EPB41L2: variants seen among roughly 807,000 people sequenced by gnomAD.
The protein encoded by EPB41L2 is band 4.1-like protein 2.
EPB41L2 carries 43 observed loss-of-function variants against 113.0 expected under a neutral mutation model. That is an observed-to-expected ratio of 0.38 (90% CI 0.30 to 0.49). The LOEUF (loss-of-function observed/expected upper bound fraction) is 0.49. EPB41L2 is among the 20% of genes least tolerant of loss of function. EPB41L2 has a pLI of 0.95. For synonymous variants in EPB41L2, 442 were observed against 436.7 expected, an observed-to-expected ratio of 1.01 and a Z score of -0.15; for missense variants, 1,147 against 1,223.4, an observed-to-expected ratio of 0.94 and a Z score of 0.93.
chr6:130,890,197 G>T (rs748355569), intron 11 of EPB41L2, 97 bp downstream of exon 11: 4 of 1,295,522 alleles, frequency 3.1e-6, no homozygotes, highest in South Asian at 3.7e-5. Context: ...TCCCTGTAGG[G>T]TATTTCTGGT....
At chr6:130,904,861 CTGAGA>C in intron 5 of EPB41L2, among the ~76,000 whole-genome samples, 1 of 150,732 alleles carries the variant, frequency 6.6e-6, no homozygotes, top group Admixed American at 6.6e-5. Context: ...TGTAATAGTT[CTGAGA>C]TAAGATTCAA....
intron 3 of EPB41L2, among the ~76,000 whole-genome samples, chr6:130,948,880 G>A (rs1425573196): frequency 6.6e-6 from 1 of 152,166 alleles, no homozygotes; most frequent in African/African-American, 2.4e-5. Flanking sequence ...CTCAAATTTT[G>A]TAAAGCATAA....
intron 18 of EPB41L2, 45 bp from the exon 19 acceptor site, chr6:130,858,288 CT>C: frequency 6.7e-7 from 1 of 1,498,878 alleles, no homozygotes; most frequent in South Asian, 1.2e-5. Flanking sequence ...GGGGAACAGC[CT>C]CCACCTCACA....
intron 14 of EPB41L2, chr6:130,876,605 T>C: frequency 2.1e-6 from 2 of 961,338 alleles, no homozygotes; most frequent in Non-Finnish European, 2.8e-6. Flanking sequence ...AGAAATCTTA[T>C]GGCTGTGGAT....
intron 14 of EPB41L2, chr6:130,876,740 G>A (rs923716072): frequency 1.5e-5 from 19 of 1,303,868 alleles, no homozygotes; most frequent in Admixed American, 4.6e-5. Context: ...TCTCCTTCAC[G>A]GATAAAATAT....
chr6:130,966,456 T>G (rs535676962), intron 1 of EPB41L2, among the ~76,000 whole-genome samples: 6 of 152,124 alleles, frequency 3.9e-5, no homozygotes, highest in African/African-American at 1.4e-4. Flanking sequence ...ATCTTATAGG[T>G]TGAAAGCAAA....
intron 3 of EPB41L2, among the ~76,000 whole-genome samples, chr6:130,951,312 CTTT>C (rs34082234): frequency 0.015 from 754 of 50,584 alleles, 2 homozygotes; most frequent in African/African-American, 0.059. Flanking sequence ...AGCCTCAGTA[CTTT>C]TTTTTTTTTT....
At chr6:130,982,908 A>G (rs1328045588) in intron 1 of EPB41L2, among the ~76,000 whole-genome samples, 3 of 152,238 alleles carry the variant, frequency 2.0e-5, no homozygotes, top group South Asian at 2.1e-4. Flanking sequence ...GTTAATCAAC[A>G]GTCCTGGAGT....
At chr6:131,020,064 T>C (rs2128737274) in intron 1 of EPB41L2, among the ~76,000 whole-genome samples, 1 of 152,250 alleles carries the variant, frequency 6.6e-6, no homozygotes, top group African/African-American at 2.4e-5. Flanking sequence ...TCTATTTTGC[T>C]GGTATTTTCA....
chr6:130,901,741 A>G (rs1796359807), intron 6 of EPB41L2, among the ~76,000 whole-genome samples: 1 of 152,212 alleles, frequency 6.6e-6, no homozygotes, highest in South Asian at 2.1e-4. Context: ...GAAGCCAGGA[A>G]GACCTGACTC....
At chr6:131,007,794 A>G (rs1053658502) in intron 1 of EPB41L2, among the ~76,000 whole-genome samples, 2 of 152,148 alleles carry the variant, frequency 1.3e-5, no homozygotes, top group South Asian at 2.1e-4. Flanking sequence ...CTTAAGAGAG[A>G]TTATTTAGGG....
chr6:130,874,423 G>A (rs1786818472), intron 14 of EPB41L2, among the ~76,000 whole-genome samples: 1 of 151,776 alleles, frequency 6.6e-6, no homozygotes, highest in Admixed American at 6.6e-5. Flanking sequence ...AACCCCTGCA[G>A]AATTAACAGT....
intron 3 of EPB41L2, among the ~76,000 whole-genome samples, chr6:130,938,443 A>T (rs1205069452): frequency 6.6e-6 from 1 of 152,194 alleles, no homozygotes; most frequent in African/African-American, 2.4e-5. Context: ...GGCTGGGTGA[A>T]TCTTTAAGGT....
chr6:130,890,536 T>TA, intron 10 of EPB41L2, 70 bp from the exon 11 acceptor site: 2 of 1,511,884 alleles, frequency 1.3e-6, no homozygotes, highest in Non-Finnish European at 1.8e-6. Flanking sequence ...CGGAATTTTT[T>TA]AAAAAAACTT....
At chr6:131,048,193 T>G (rs966161086) in intron 1 of EPB41L2, among the ~76,000 whole-genome samples, 9 of 139,906 alleles carry the variant, frequency 6.4e-5, no homozygotes, top group Admixed American at 7.0e-5. Context: ...AACAATAAAA[T>G]CTAACATAAA....
intron 10 of EPB41L2, among the ~76,000 whole-genome samples, chr6:130,892,422 T>TTTTTTTTTTTTTTTTTC (rs59118485): frequency 7.3e-6 from 1 of 136,070 alleles, no homozygotes; most frequent in Non-Finnish European, 1.6e-5. Context: ...TTTTTTTTTT[T>TTTTTTTTTTTTTTTTTC]ATCATTATGT....
rs372637030 is a variant in EPB41L2 at position 130,894,455 on chromosome 6, G to A, written c.1390-14C>T. The A allele has an allele frequency of 1.4e-4, 220 of 1,609,060 alleles. 1 individual carries two copies. The highest frequency in any genetic ancestry group is 1.6e-4 in the Middle Eastern group (1 of 6,070). On this transcript the variant is annotated splice_polypyrimidine_tract_variant and intron_variant, in intron 9 of 19. Coordinates refer to ENST00000337057, the MANE Select transcript of EPB41L2 (RefSeq NM_001431.4). ...AAACTGTTCCAGCTGGAATAAATCC[G>A]TAAAACAAATCAGCATATTTCCTTA...
At chr6:130,870,164 T>A in intron 14 of EPB41L2, 38 bp from the exon 15 acceptor site, 1 of 1,565,724 alleles carries the variant, frequency 6.4e-7, no homozygotes, top group Non-Finnish European at 8.6e-7. Flanking sequence ...AACAAAAATA[T>A]ATGAATAAAT....
Position 131,027,591 on chromosome 6 carries a change from T to C in EPB41L2, c.-15+35564A>G, listed in dbSNP as rs989740171. On this transcript the variant is annotated intron_variant, in intron 1 of 19. Transcript: ENST00000337057. ...GGCCAATGCTTAATGCAGCCAATGA[T>C]TAATAGTGGCACCAGGAGCCAACCG... Among the ~76,000 whole-genome samples, 3 of 152,324 alleles carry C rather than the reference T, an allele frequency of 2.0e-5. No individual in the cohort carries two copies. In the East Asian group the frequency reaches 5.8e-4, roughly 29 times the overall value.
Sources: gnomAD v4.1 joint callset for allele counts (sites outside exome capture counted in the v4.1 genomes callset) on GRCh38, gnomAD v4.1.1 for gene constraint, MANE v1.5 for transcripts, NCBI Gene and HGNC (gene_info 2026-07-23, HGNC 2026-07-21) for gene names.